NTNG1: variants seen among roughly 807,000 people sequenced by gnomAD.
The protein encoded by NTNG1 is netrin-G1.
NTNG1 carries 16 observed loss-of-function variants against 54.0 expected under a neutral mutation model. The ratio of observed to expected loss-of-function variants is 0.30; its 90% CI spans 0.20 to 0.45. The LOEUF is 0.45. NTNG1 is among the 20% of genes least tolerant of loss of function. The probability of loss-of-function intolerance (pLI) is 1.00; values close to 1 mark genes in which losing one functional copy is unlikely to be tolerated. For missense variants in NTNG1, 530 were observed against 678.7 expected, an observed-to-expected ratio of 0.78 and a Z score of 2.43; for synonymous variants, 255 against 263.1, an observed-to-expected ratio of 0.97 and a Z score of 0.30.
chr1:107,323,749 A>G (rs1036595225), intron 2 of NTNG1, among the ~76,000 whole-genome samples: 2 of 144,726 alleles, frequency 1.4e-5, no homozygotes, highest in African/African-American at 5.1e-5. Context: ...GCAAGGACCC[A>G]GTTAAGTATG....
chr1:107,386,177 T>TCCTTTGAAATGGGGTTTCAC (rs1671984851), intron 3 of NTNG1, among the ~76,000 whole-genome samples: 1 of 136,384 alleles, frequency 7.3e-6, no homozygotes, highest in Non-Finnish European at 1.6e-5. Flanking sequence ...TTTTTTTTTT[T>TCCTTTGAAATGGGGTTTCAC]TCTTCCTTTG....
At chr1:107,425,586 G>T (rs1188649725) in intron 5 of NTNG1, among the ~76,000 whole-genome samples, 1 of 152,032 alleles carries the variant, frequency 6.6e-6, no homozygotes, top group Non-Finnish European at 1.5e-5. Context: ...ACCATTGGTG[G>T]ACACTTAGGA....
intron 2 of NTNG1, among the ~76,000 whole-genome samples, chr1:107,218,598 A>G (rs1213905848): frequency 8.7e-6 from 1 of 114,318 alleles, no homozygotes; most frequent in Non-Finnish European, 2.0e-5. Context: ...TATTTCACAC[A>G]TTCATTTCAA....
intron 4 of NTNG1, among the ~76,000 whole-genome samples, chr1:107,402,843 G>A (rs1570881355): frequency 6.6e-6 from 1 of 152,108 alleles, no homozygotes; most frequent in Admixed American, 6.5e-5. Context: ...CTGGCTATAA[G>A]ATCTAGTTAC....
rs187868931 is a variant in NTNG1, at chr1:107,303,117, T to C, written c.247-21165T>C. Among the ~76,000 whole-genome samples, 3 of 152,340 alleles carry C rather than the reference T, an allele frequency of 2.0e-5. No individual in the cohort carries two copies. The East Asian group carries it at 5.8e-4, about 29-fold the overall frequency. On this transcript the variant is annotated intron_variant, in intron 2 of 7. Transcript: ENST00000370068. ...TGATTTTATACTTTAATATCTAAGA[T>C]TAGATCCTAAGTCCAATATAAAATA...
chr1:107,160,952 C>T (rs558734621), intron 2 of NTNG1, among the ~76,000 whole-genome samples: 51 of 152,156 alleles, frequency 3.4e-4, no homozygotes, highest in African/African-American at 1.1e-3. Context: ...ATTTACAAAC[C>T]GGGACAGCAC....
chr1:107,151,483 G>A (rs1004482584), intron 2 of NTNG1, among the ~76,000 whole-genome samples: 2 of 152,172 alleles, frequency 1.3e-5, no homozygotes, highest in Non-Finnish European at 2.9e-5. Context: ...CATCAGGGGA[G>A]CTGCCACATG....
chr1:107,296,762 TTA>T (rs1218675104), intron 2 of NTNG1, among the ~76,000 whole-genome samples: 4 of 148,314 alleles, frequency 2.7e-5, no homozygotes, highest in African/African-American at 7.3e-5. Flanking sequence ...ATCATTCCAG[TTA>T]TATATGTTAT....
At position 107,482,054 on chromosome 1, in the gene NTNG1, G is replaced by GAAAAAAA. The variant is rs1261871821; in HGVS notation, c.*1214_*1215insAAAAAAA. On this transcript the variant is annotated 3_prime_UTR_variant, in exon 8 of 8. Coordinates refer to ENST00000370068, the MANE Select transcript of NTNG1 (RefSeq NM_001113226.3). Reference sequence around the variant, plus strand: ...TTTCCACTTGGGAAAAATTACAACAGCAAAAAAAAAAAAAAAAAAAAAAAA... The same window carrying GAAAAAAA: ...TTTCCACTTGGGAAAAATTACAACAGAAAAAAACAAAAAAAAAAAAAAAAAAAAAAAA... 8.0e-5 allele frequency: 1 copy of GAAAAAAA among 12,466 alleles called. No individual in the cohort carries two copies. The highest frequency in any genetic ancestry group is 1.6e-4 in the Non-Finnish European group (1 of 6,092). 0.8% of individuals were successfully genotyped at this position (12,466 alleles called of 1,614,324 possible). A position where few individuals can be genotyped will look rare whatever the true frequency, so the allele number is the denominator to read the frequency against.
At chr1:107,468,577 T>G (rs966843361) in intron 7 of NTNG1, among the ~76,000 whole-genome samples, 4 of 152,162 alleles carry the variant, frequency 2.6e-5, no homozygotes, top group Admixed American at 2.6e-4. Flanking sequence ...TTTACTTGAG[T>G]TCTTCTATGT....
At chr1:107,409,357 G>C (rs1673649380) in intron 5 of NTNG1, 1 of 152,288 alleles carries the variant, frequency 6.6e-6, no homozygotes, top group African/African-American at 2.4e-5. Flanking sequence ...GGATGGAAAA[G>C]TAGTTCTTTG....
At chr1:107,289,902 T>A (rs1195153795) in intron 2 of NTNG1, among the ~76,000 whole-genome samples, 1 of 152,188 alleles carries the variant, frequency 6.6e-6, no homozygotes, top group Non-Finnish European at 1.5e-5. Flanking sequence ...AATTTTGCAG[T>A]AAACCAAGGA....
chr1:107,238,863 A>G (rs1661601363), intron 2 of NTNG1, among the ~76,000 whole-genome samples: 1 of 151,804 alleles, frequency 6.6e-6, no homozygotes, highest in Non-Finnish European at 1.5e-5. Flanking sequence ...GGACTAATAC[A>G]TAATGCTTTC....
At chr1:107,422,148 G>A (rs1674613673) in intron 5 of NTNG1, among the ~76,000 whole-genome samples, 1 of 152,026 alleles carries the variant, frequency 6.6e-6, no homozygotes, top group South Asian at 2.1e-4. Context: ...GCTTTTAACC[G>A]TGGAACATAG....
At chr1:107,153,217 G>A (rs1654721958) in intron 2 of NTNG1, among the ~76,000 whole-genome samples, 1 of 152,104 alleles carries the variant, frequency 6.6e-6, no homozygotes, top group Non-Finnish European at 1.5e-5. Flanking sequence ...ATAATCTCAG[G>A]GCTATCTATA....
chr1:107,298,055 A>G (rs1206075636), intron 2 of NTNG1, among the ~76,000 whole-genome samples: 1 of 152,206 alleles, frequency 6.6e-6, no homozygotes, highest in African/African-American at 2.4e-5. Flanking sequence ...GATTTTAAAA[A>G]TGACTCAAAA....
intron 2 of NTNG1, among the ~76,000 whole-genome samples, chr1:107,248,530 C>T (rs79339519): frequency 0.019 from 2,857 of 152,260 alleles, 94 homozygotes; most frequent in African/African-American, 0.066. Context: ...TTTCACTACC[C>T]ACTTGTCCTC....
intron 2 of NTNG1, among the ~76,000 whole-genome samples, chr1:107,205,269 A>C (rs1659089766): frequency 6.6e-6 from 1 of 152,126 alleles, no homozygotes. Flanking sequence ...AGGTATGTAG[A>C]TCTAGGCTGT....
At chr1:107,323,537 A>G (rs961977896) in intron 2 of NTNG1, among the ~76,000 whole-genome samples, 5 of 152,120 alleles carry the variant, frequency 3.3e-5, no homozygotes, top group Admixed American at 3.3e-4. Flanking sequence ...TTTGATGTGC[A>G]ACAGCCTCCT....
Sources: gnomAD v4.1 joint callset for allele counts (sites outside exome capture counted in the v4.1 genomes callset) on GRCh38, gnomAD v4.1.1 for gene constraint, MANE v1.5 for transcripts, NCBI Gene and HGNC (gene_info 2026-07-23, HGNC 2026-07-21) for gene names.